The following ADAM10 variants were observed in gnomAD, a reference collection of about 807,000 sequenced individuals.
ADAM10 encodes the protein disintegrin and metalloproteinase domain-containing protein 10.
A neutral mutation model predicts 90.1 loss-of-function variants in ADAM10; 17 were observed. That is an observed-to-expected ratio of 0.19 (90% CI 0.13 to 0.28). The LOEUF (loss-of-function observed/expected upper bound fraction) is 0.28. ADAM10 is among the 10% of genes least tolerant of loss of function. ADAM10 has a pLI of 1.00. For missense variants in ADAM10, 610 were observed against 914.3 expected, an observed-to-expected ratio of 0.67 and a Z score of 4.29; for synonymous variants, 310 against 298.6, an observed-to-expected ratio of 1.04 and a Z score of -0.40.
chr15:58,659,277 A>G, intron 5 of ADAM10, among the ~76,000 whole-genome samples: 1 of 152,002 alleles, frequency 6.6e-6, no homozygotes, highest in Non-Finnish European at 1.5e-5. Context: ...CGTCTCAAAA[A>G]AGAAAAAAAA....
chr15:58,646,230 C>G, intron 5 of ADAM10, 26 bp from the exon 6 acceptor site: 1 of 1,603,970 alleles, frequency 6.2e-7, no homozygotes, highest in African/African-American at 1.3e-5. Context: ...TCATTTCTGA[C>G]AATTAGTATG....
chr15:58,631,643 A>G (rs1373820923), intron 9 of ADAM10, among the ~76,000 whole-genome samples: 1 of 152,214 alleles, frequency 6.6e-6, no homozygotes, highest in African/African-American at 2.4e-5. Context: ...AAAATGAGTG[A>G]CCTGGGACTA....
intron 14 of ADAM10, among the ~76,000 whole-genome samples, chr15:58,600,122 C>CT (rs10601564): frequency 6.6e-6 from 1 of 151,738 alleles, no homozygotes; most frequent in Non-Finnish European, 1.5e-5. Context: ...TCCCCTTACT[C>CT]TTTTTTCTCC....
At chr15:58,678,826 CA>C (rs1897353386) in intron 4 of ADAM10, among the ~76,000 whole-genome samples, 1 of 152,168 alleles carries the variant, frequency 6.6e-6, no homozygotes, top group Non-Finnish European at 1.5e-5. Context: ...TAGCATTACA[CA>C]GACTGGCTGA....
intron 10 of ADAM10, among the ~76,000 whole-genome samples, chr15:58,625,330 C>G (rs1375586948): frequency 1.3e-5 from 2 of 152,072 alleles, no homozygotes; most frequent in Non-Finnish European, 2.9e-5. Context: ...CACTAATGAT[C>G]ACTAAAATGA....
At chr15:58,716,573 A>G (rs1296730776) in intron 2 of ADAM10, among the ~76,000 whole-genome samples, 1 of 152,270 alleles carries the variant, frequency 6.6e-6, no homozygotes, top group Non-Finnish European at 1.5e-5. Context: ...AAGTAAGTTT[A>G]GAATAATAGA....
chr15:58,722,192 CTT>C (rs1271874821), intron 1 of ADAM10, among the ~76,000 whole-genome samples: 3 of 151,628 alleles, frequency 2.0e-5, no homozygotes, highest in Non-Finnish European at 4.4e-5. Flanking sequence ...AATAACAAAA[CTT>C]AGCCTGGCGT....
chr15:58,622,007 A>T (rs1158977726), intron 10 of ADAM10, among the ~76,000 whole-genome samples: 4 of 152,166 alleles, frequency 2.6e-5, no homozygotes, highest in African/African-American at 9.6e-5. Context: ...TTGCAACAGA[A>T]AATTTCAAAC....
At chr15:58,733,983 A>C (rs1056880722) in intron 1 of ADAM10, among the ~76,000 whole-genome samples, 1 of 151,520 alleles carries the variant, frequency 6.6e-6, no homozygotes, top group East Asian at 1.9e-4. Context: ...AATATATTCA[A>C]ATTCACATTA....
chr15:58,621,735 T>A (rs1320507575), intron 10 of ADAM10, 114 bp from the exon 11 acceptor site: 2 of 1,308,082 alleles, frequency 1.5e-6, no homozygotes, highest in African/African-American at 2.9e-5. Context: ...CTTTGATGAA[T>A]AAGTAGAACA....
At chr15:58,746,326 A>G (rs1245754349) in intron 1 of ADAM10, among the ~76,000 whole-genome samples, 1 of 152,204 alleles carries the variant, frequency 6.6e-6, no homozygotes, top group African/African-American at 2.4e-5. Context: ...AAAATTTTAA[A>G]GAGATCAGAT....
rs1164105032 is a variant in ADAM10 at position 58,596,086 on chromosome 15, TAAAA to T, written c.*1457_*1460del. On this transcript the variant is annotated 3_prime_UTR_variant, in exon 16 of 16. Coordinates refer to ENST00000260408, the MANE Select transcript of ADAM10 (RefSeq NM_001110.4). ...AATGATTGTGTAAACCTTATACTCTTAAAAAAAAAAAGGAAAAAAAAAAACCCAA... is the reference window on the plus strand; with the variant it reads ...AATGATTGTGTAAACCTTATACTCTTAAAAAAAGGAAAAAAAAAAACCCAA... The T allele has an allele frequency of 1.5e-5, 2 of 132,526 alleles. No homozygotes were observed. Among genetic ancestry groups the T allele is most frequent in the Non-Finnish European group, 3.1e-5 (2 of 64,326 alleles). 8.2% of individuals were successfully genotyped at this position (132,526 alleles called of 1,614,324 possible).
chr15:58,620,450 G>C (rs941404022), intron 11 of ADAM10, among the ~76,000 whole-genome samples: 1 of 151,638 alleles, frequency 6.6e-6, no homozygotes, highest in Non-Finnish European at 1.5e-5. Flanking sequence ...CTGGGTGACA[G>C]GTTTTTCTGA....
At chr15:58,705,549 GT>G (rs1475599905) in intron 2 of ADAM10, among the ~76,000 whole-genome samples, 5 of 152,230 alleles carry the variant, frequency 3.3e-5, no homozygotes, top group Admixed American at 6.5e-5. Flanking sequence ...GTAATAGCTG[GT>G]TTTTCTTTCT....
rs1434474785 is a variant in ADAM10 at position 58,627,951 on chromosome 15, C to T, written c.1177-68G>A. The T allele has an allele frequency of 8.9e-6, 13 of 1,461,488 alleles. No individual in the cohort carries two copies. The East Asian group carries it at 1.8e-4, about 21-fold the overall frequency. 90.5% of individuals were successfully genotyped at this position (1,461,488 alleles called of 1,614,324 possible). ...AAGGTTTTCAGGTCAACTGATTAAACGTAATGTTCTCATCAGGAAAACAAT... is the reference window on the plus strand; with the variant it reads ...AAGGTTTTCAGGTCAACTGATTAAATGTAATGTTCTCATCAGGAAAACAAT... On this transcript the variant is annotated intron_variant, in intron 9 of 15. Coordinates refer to ENST00000260408, the MANE Select transcript of ADAM10 (RefSeq NM_001110.4).
chr15:58,648,509 G>A (rs1049206116), intron 5 of ADAM10, among the ~76,000 whole-genome samples: 4 of 152,028 alleles, frequency 2.6e-5, no homozygotes, highest in Non-Finnish European at 5.9e-5. Context: ...AAAAAAAACT[G>A]GATGCTTTAA....
In ADAM10 at chr15:58,742,169, TA is replaced by T. The variant is rs201186409; in HGVS notation, c.55+7310del. The stretch of plus-strand genomic sequence containing the variant: ...ACGACTCCTAACAGTCATAGACACA[TA>T]ATAAATCCTGGTGACTAAACAGCAA... On this transcript the variant is annotated intron_variant, in intron 1 of 15. Coordinates refer to ENST00000260408, the MANE Select transcript of ADAM10 (RefSeq NM_001110.4). 2.6e-5 allele frequency among the ~76,000 whole-genome samples: 4 copies of T among 152,224 alleles called. No homozygotes were observed. The East Asian group carries it at 7.7e-4, about 29-fold the overall frequency.
chr15:58,609,352 A>G (rs1330901920), intron 14 of ADAM10: 6 of 152,290 alleles, frequency 3.9e-5, no homozygotes, highest in African/African-American at 1.4e-4. Flanking sequence ...TCTAAAAACC[A>G]CATATCCTAA....
At chr15:58,713,300 C>T (rs1323680971) in intron 2 of ADAM10, among the ~76,000 whole-genome samples, 1 of 152,090 alleles carries the variant, frequency 6.6e-6, no homozygotes, top group Non-Finnish European at 1.5e-5. Context: ...GAGTCAGGAT[C>T]TTGCCATGTT....
Sources: allele counts gnomAD v4.1 joint callset (sites outside exome capture counted in the v4.1 genomes callset), GRCh38; gene constraint gnomAD v4.1.1; transcripts MANE v1.5; gene names NCBI Gene and HGNC (gene_info 2026-07-23, HGNC 2026-07-21).